PHC2: variants seen among roughly 807,000 people sequenced by gnomAD.
PHC2 encodes polyhomeotic-like protein 2.
Under a neutral mutation model 87.4 loss-of-function variants are expected in PHC2, and 29 were observed. The observed-to-expected ratio is 0.33, with a 90% CI of 0.25 to 0.45. The LOEUF (loss-of-function observed/expected upper bound fraction) is 0.45. Ranked by LOEUF, PHC2 falls within the 20% of genes least tolerant of loss-of-function variation. The pLI is 1.00. For synonymous variants in PHC2, 438 were observed against 461.7 expected (o/e 0.95, Z 0.66); for missense variants, 857 against 1,136.7 (o/e 0.75, Z 3.54).
chr1:33,422,348 T>C (rs924784127), intron 1 of PHC2, among the ~76,000 whole-genome samples: 1 of 152,174 alleles, frequency 6.6e-6, no homozygotes, highest in Non-Finnish European at 1.5e-5. Context: ...GAGTGAGGTA[T>C]AGAAGCTTAT....
chr1:33,330,758 G>C (rs564117262), intron 12 of PHC2, among the ~76,000 whole-genome samples: 4 of 152,146 alleles, frequency 2.6e-5, no homozygotes, highest in Non-Finnish European at 5.9e-5. Flanking sequence ...CTTTAGAATT[G>C]GACAAGCCTA....
chr1:33,362,837 C>T (rs548244402), intron 7 of PHC2, among the ~76,000 whole-genome samples: 1 of 152,270 alleles, frequency 6.6e-6, no homozygotes, highest in East Asian at 1.9e-4. Flanking sequence ...TCTTTAACAC[C>T]CATAGTGTTC....
intron 1 of PHC2, among the ~76,000 whole-genome samples, chr1:33,420,405 TAAAGAG>T (rs1414943002): frequency 1.3e-5 from 2 of 151,988 alleles, no homozygotes; most frequent in Non-Finnish European, 2.9e-5. Context: ...ATCAAGAAGA[TAAAGAG>T]AAACTAGACT....
At chr1:33,341,569 G>GA (rs898825099) in intron 9 of PHC2, among the ~76,000 whole-genome samples, 5 of 152,290 alleles carry the variant, frequency 3.3e-5, no homozygotes, top group African/African-American at 1.2e-4. Context: ...AGCCGAAAAG[G>GA]AAACAGCACA....
At chr1:33,351,599 G>A (rs1267075096) in intron 9 of PHC2, among the ~76,000 whole-genome samples, 2 of 152,074 alleles carry the variant, frequency 1.3e-5, no homozygotes, top group Non-Finnish European at 2.9e-5. Flanking sequence ...GGTACAGACC[G>A]TGTTTCTCAG....
At chr1:33,386,902 T>C (rs1301134269) in intron 1 of PHC2, among the ~76,000 whole-genome samples, 1 of 152,074 alleles carries the variant, frequency 6.6e-6, no homozygotes. Context: ...TACACACAGC[T>C]ACTATTTCTA....
chr1:33,371,110 C>T lies in PHC2; in HGVS notation c.334-16G>A. ...CCAGGCTTGCCTAGGAAAGAACAAA[C>T]TCCTCTTGCTAGAGTCCCAGACCTC... is the stretch of plus-strand genomic sequence containing the variant. On this transcript the variant is annotated splice_polypyrimidine_tract_variant and intron_variant, in intron 3 of 14. Transcript: ENST00000683057. 6.2e-7 allele frequency: 1 copy of T among 1,609,564 alleles called. No homozygotes were observed. The highest frequency in any genetic ancestry group is 2.2e-5 in the East Asian group (1 of 44,854).
rs75805984 is a variant in PHC2, at chr1:33,347,017, C to G, written c.1558+7384G>C. The G allele has an allele frequency of 2.4e-3, 2,394 of 985,426 alleles. 58 individuals carry two copies. In the African/African-American group the frequency reaches 0.038, roughly 16 times the overall value. The allele number at this position is 985,426 out of a possible 1,614,324, so 61.0% of individuals were successfully genotyped here. ...TGTAAGATCATCCATCTACTTACTC[C>G]TCTTAACATGCCCTCTCCCCCTGAA... On this transcript the variant is annotated intron_variant, in intron 9 of 14. Transcript: ENST00000683057.
At chr1:33,351,455 C>G (rs1303999869) in intron 9 of PHC2, among the ~76,000 whole-genome samples, 1 of 152,230 alleles carries the variant, frequency 6.6e-6, no homozygotes, top group Non-Finnish European at 1.5e-5. Flanking sequence ...TTGGCAGTAA[C>G]TTTTCCTGTT....
At chr1:33,397,612 C>T (rs1649349569) in intron 1 of PHC2, among the ~76,000 whole-genome samples, 1 of 152,124 alleles carries the variant, frequency 6.6e-6, no homozygotes, top group East Asian at 1.9e-4. Context: ...TGTGGCCCTC[C>T]TGAGTCTGTT....
At chr1:33,359,397 A>G (rs1647153784) in intron 7 of PHC2, among the ~76,000 whole-genome samples, 2 of 152,220 alleles carry the variant, frequency 1.3e-5, no homozygotes, top group African/African-American at 4.8e-5. Flanking sequence ...CTAGAAGTCC[A>G]CTATAGTTGA....
chr1:33,346,327 AG>A, intron 9 of PHC2: 1 of 985,446 alleles, frequency 1.0e-6, no homozygotes, highest in Non-Finnish European at 1.2e-6. Flanking sequence ...CACTTTTGTG[AG>A]ATTCCTCCTG....
intron 1 of PHC2, among the ~76,000 whole-genome samples, chr1:33,408,350 T>C (rs1041242986): frequency 2.0e-5 from 3 of 152,228 alleles, no homozygotes; most frequent in African/African-American, 7.2e-5. Context: ...TTGCTTCAAA[T>C]GGAGCTGCAC....
At chr1:33,399,467 C>T (rs6685849) in intron 1 of PHC2, among the ~76,000 whole-genome samples, 18,832 of 152,210 alleles carry the variant, frequency 0.12, 1,924 homozygotes, top group African/African-American at 0.28. Context: ...CCACGTTTTC[C>T]TGTCAGATGC....
At chr1:33,352,618 A>G (rs1646994316) in intron 9 of PHC2, among the ~76,000 whole-genome samples, 1 of 152,248 alleles carries the variant, frequency 6.6e-6, no homozygotes, top group Non-Finnish European at 1.5e-5. Flanking sequence ...TAAATTATAC[A>G]AGTTTGAGAC....
chr1:33,351,488 C>T (rs1395503659), intron 9 of PHC2, among the ~76,000 whole-genome samples: 2 of 152,300 alleles, frequency 1.3e-5, no homozygotes, highest in East Asian at 1.9e-4. Context: ...AATGACTTAC[C>T]TCAAATCCAT....
rs562349140 is a variant in PHC2 at position 33,331,820 on chromosome 1, C to T, written c.1892-358G>A. The T allele has an allele frequency of 1.8e-4, 52 of 291,698 alleles. No individual in the cohort carries two copies. In the East Asian group the frequency reaches 3.8e-3, roughly 21 times the overall value. The allele number at this position is 291,698 out of a possible 1,614,324, so 18.1% of individuals were successfully genotyped here. On this transcript the variant is annotated intron_variant, in intron 11 of 14. Transcript: ENST00000683057. The surrounding 1 kb of genome is among the most constrained non-coding windows in gnomAD (Gnocchi z 5.2). Reference sequence around the variant, plus strand: ...TCCGCTGGCATCATCACACCTTGATCTATGCAGCTGGCTGCTGACCCAGTA... The same window carrying T: ...TCCGCTGGCATCATCACACCTTGATTTATGCAGCTGGCTGCTGACCCAGTA...
rs1469627694 is a variant in PHC2 at position 33,368,544 on chromosome 1, G to C, written c.655C>G (p.Pro219Ala). 4 of 1,528,122 alleles carry C rather than the reference G, an allele frequency of 2.6e-6. No individual in the cohort carries two copies. The highest frequency in any genetic ancestry group is 3.5e-6 in the Non-Finnish European group (4 of 1,130,210). The allele number at this position is 1,528,122 out of a possible 1,614,324, so 94.7% of individuals were successfully genotyped here. A position where few individuals can be genotyped will look rare whatever the true frequency, so the allele number is the denominator to read the frequency against. The change falls in exon 6 of 15, where the codon CCC becomes GCC. Residue 219 changes from proline (P) to alanine (A), a missense_variant. Physicochemically the swap from Pro to Ala is conservative, Grantham distance 27 (BLOSUM62 -1). Transcript: ENST00000683057. The surrounding 1 kb of genome is among the most constrained non-coding windows in gnomAD (Gnocchi z 6.6). ...AAGCATGGAGTCCTCACCTGGGCGG[G>C]GGTGGGGGGCCGGGCGGGGGAGCCA... ...GTGSPARPPT[P>A]AQVQNLTLRT... is the part of the protein sequence containing the mutation.
At chr1:33,345,004 C>T (rs1486087519) in intron 9 of PHC2, 1 of 152,076 alleles carries the variant, frequency 6.6e-6, no homozygotes, top group East Asian at 1.9e-4. Context: ...CTTTAGGTCA[C>T]ATATGGATGG....
Sources: gnomAD v4.1 joint callset for allele counts (sites outside exome capture counted in the v4.1 genomes callset) on GRCh38, gnomAD v4.1.1 for gene constraint, Gnocchi (gnomAD v3.1) non-coding constraint, MANE v1.5 for transcripts, NCBI Gene and HGNC (gene_info 2026-07-23, HGNC 2026-07-21) for gene names.